SHOX: variants seen among roughly 807,000 people sequenced by gnomAD.
The protein encoded by SHOX is SHOX homeobox, also known as short stature homeobox protein.
SHOX carries 12 observed loss-of-function variants against 29.6 expected under a neutral mutation model. The observed-to-expected ratio is 0.41, with a 90% CI of 0.26 to 0.66. SHOX has a LOEUF of 0.66. Ranked by LOEUF, SHOX falls within the 30% of genes least tolerant of loss-of-function variation. The pLI, the probability that SHOX is intolerant of heterozygous loss-of-function variation, is 0.35. For synonymous variants in SHOX, 214 were observed against 200.6 expected (o/e 1.07, Z -0.57); for missense variants, 499 against 437.7 (o/e 1.14, Z -1.25).
chrX:658,924 C>G, exon 6 of SHOX: 1 of 261,110 alleles, frequency 3.8e-6, no homozygotes. Flanking sequence ...ACCACCATGT[C>G]AAGATAATGT....
rs960104128 is a variant in SHOX, at chrX:650,811, A to AAAAAAC, written c.*6180_*6181insCAAAAA. Among the ~76,000 whole-genome samples the AAAAAAC allele has an allele frequency of 2.7e-5, 4 of 147,194 alleles. 1 individual carries two copies. Among genetic ancestry groups the AAAAAAC allele is most frequent in the Admixed American group, 6.8e-5 (1 of 14,764 alleles). On this transcript the variant is annotated 3_prime_UTR_variant, in exon 5 of 5. Transcript: ENST00000686671. ...TGACATTAAAAAAAAAAAAAAAAAA[A>AAAAAAC]AAAAAAAACTGGTGCCTAATTTATT... is the stretch of plus-strand genomic sequence containing the variant.
At chrX:641,225 G>A in intron 4 of SHOX, 138 bp downstream of exon 4, 1 of 896,524 alleles carries the variant, frequency 1.1e-6, no homozygotes, top group Non-Finnish European at 1.8e-6. Flanking sequence ...TAGAAAAAAA[G>A]CCTCTTTTCC....
At chrX:624,862 T>TTTTCTTTCTTTTCTTTC (rs1194295441) in intron 1 of SHOX, among the ~76,000 whole-genome samples, 26 of 76,852 alleles carry the variant, frequency 3.4e-4, no homozygotes, top group Non-Finnish European at 5.6e-4. Flanking sequence ...TCTTTCTTTC[T>TTTTCTTTCTTTTCTTTC]TTTCTTTCTT....
At chrX:644,015 C>G (rs1022342656) in intron 4 of SHOX, among the ~76,000 whole-genome samples, 5 of 72,742 alleles carry the variant, frequency 6.9e-5, no homozygotes, top group African/African-American at 2.2e-4. Flanking sequence ...GCTTGGGGAC[C>G]TGGTGTCCCC....
Position 649,005 on chromosome X carries a change from T to C in SHOX, c.*4369T>C, listed in dbSNP as rs2053010213. On this transcript the variant is annotated 3_prime_UTR_variant, in exon 5 of 5. Coordinates refer to ENST00000686671, the MANE Select transcript of SHOX (RefSeq NM_000451.4). ...CTCTTTTTCTTTCTCTTTTCCTTTT[T>C]TGTTTCTTTCTTTCTTTTTCTTTCT... Among the ~76,000 whole-genome samples, 1 of 146,578 alleles carries C rather than the reference T, an allele frequency of 6.8e-6. No individual in the cohort carries two copies. The highest frequency in any genetic ancestry group is 7.1e-5 in the Admixed American group (1 of 14,036).
intron 1 of SHOX, among the ~76,000 whole-genome samples, chrX:625,558 C>CTCTG: frequency 6.7e-6 from 1 of 150,004 alleles, no homozygotes; most frequent in African/African-American, 2.5e-5. Context: ...TCTCCTCTGT[C>CTCTG]TCTCTGTATC....
Position 624,718 on chromosome X carries a change from T to TTTC in SHOX, c.-433+119_-433+121dup, listed in dbSNP as rs1191349943. On this transcript the variant is annotated intron_variant, in intron 1 of 5. Coordinates refer to the SHOX transcript ENST00000334060. ...CCTCTTTCTTTTCTTTCTTTCTTTC[T>TTTC]TTCTTTCTTTCTTTCTTTCTTTTCT... The TTTC allele has an allele frequency of 4.2e-5, 6 of 143,950 alleles. No homozygotes were observed. The South Asian group carries it at 1.4e-3, about 33-fold the overall frequency. The allele number at this position is 143,950 out of a possible 1,614,324, so 8.9% of individuals were successfully genotyped here.
rs1026019027 is a variant in SHOX, at chrX:651,574, A to G, written c.*6938A>G. ...AAAACTGAGATATAAATAAACTTAT[A>G]AATATTTGTATTCAAGTGTTAAAAA... is the stretch of plus-strand genomic sequence containing the variant. On this transcript the variant is annotated 3_prime_UTR_variant, in exon 5 of 5. Coordinates refer to ENST00000686671, the MANE Select transcript of SHOX (RefSeq NM_000451.4). 3.8e-6 allele frequency: 1 copy of G among 262,046 alleles called. No individual in the cohort carries two copies. Among genetic ancestry groups the G allele is most frequent in the African/African-American group, 2.4e-5 (1 of 42,038 alleles). The allele number at this position is 262,046 out of a possible 1,614,324, so 16.2% of individuals were successfully genotyped here.
At chrX:658,299 T>G (rs1459598128) in intron 5 of SHOX, among the ~76,000 whole-genome samples, 2 of 151,784 alleles carry the variant, frequency 1.3e-5, no homozygotes, top group African/African-American at 4.8e-5. Flanking sequence ...TAGCGGGTAT[T>G]AAAGCAGCTT....
At chrX:627,072 T>C (rs754775685), upstream of SHOX, among the ~76,000 whole-genome samples, 2 of 147,992 alleles carry the variant, frequency 1.4e-5, no homozygotes, top group South Asian at 4.3e-4. Flanking sequence ...CTCTCTCTCT[T>C]TTTCTCTCTC....
At chrX:651,641 GAAAAAAA>G (rs553983413), downstream of SHOX, among the ~76,000 whole-genome samples, 7 of 107,558 alleles carry the variant, frequency 6.5e-5, no homozygotes, top group South Asian at 3.2e-4. Context: ...AGGCTTATTG[GAAAAAAA>G]AAAAAAAAAA....
At chrX:630,547 T>A, upstream of SHOX, 1 of 431,760 alleles carries the variant, frequency 2.3e-6, no homozygotes, top group South Asian at 2.6e-5. Flanking sequence ...TGCGCCCCCC[T>A]CCTGCGCGCG....
In SHOX at chrX:630,801, G is replaced by T; in HGVS notation, c.-97G>T. The T allele has an allele frequency of 6.9e-7, 1 of 1,453,900 alleles. No homozygotes were observed. Among genetic ancestry groups the T allele is most frequent in the Non-Finnish European group, 9.6e-7 (1 of 1,041,726 alleles). The allele number at this position is 1,453,900 out of a possible 1,614,324, so 90.1% of individuals were successfully genotyped here. ...TTCCAATGGAAAGGCGTAAATAACA[G>T]CGCTGGTGATCCACCCGCGCGCACG... is the stretch of plus-strand genomic sequence containing the variant. On this transcript the variant is annotated 5_prime_UTR_variant, in exon 1 of 5. Coordinates refer to ENST00000686671, the MANE Select transcript of SHOX (RefSeq NM_000451.4).
chrX:655,596 CTCTCTCTCTCTCTCTCTCTA>C (rs1336570630), downstream of SHOX, among the ~76,000 whole-genome samples: 8 of 68,808 alleles, frequency 1.2e-4, no homozygotes, highest in African/African-American at 2.9e-4. Context: ...CTCTCTCTCT[CTCTCTCTCTCTCTCTCTCTA>C]TATATATATA....
intron 5 of SHOX, chrX:658,712 C>T (rs1456571743): frequency 2.0e-5 from 6 of 293,584 alleles, no homozygotes; most frequent in East Asian, 2.3e-4. Flanking sequence ...CCTCATGATC[C>T]GTCCGCCTCA....
At chrX:624,783 C>A (rs767587944) in intron 1 of SHOX, among the ~76,000 whole-genome samples, 1 of 120,732 alleles carries the variant, frequency 8.3e-6, no homozygotes, top group South Asian at 2.7e-4. Flanking sequence ...TGGAGCTTTC[C>A]TTTTCTTTTC....
Position 634,837 on chromosome X carries a change from G to A in SHOX, c.486+11G>A, listed in dbSNP as rs748745580. 3.2e-6 allele frequency: 5 copies of A among 1,549,432 alleles called. No homozygotes were observed. Among genetic ancestry groups the A allele is most frequent in the East Asian group, 2.4e-5 (1 of 41,064 alleles). ...GAGGCGCGCGTGCAGGTAGGAACCC[G>A]GGGGCGGGGGCGGGGGGCCCGGAGC... is the stretch of plus-strand genomic sequence containing the variant. On this transcript the variant is annotated intron_variant, in intron 2 of 4. Transcript: ENST00000686671.
In SHOX at chrX:640,794, T is replaced by A. The variant is rs749766318; in HGVS notation, c.487-27T>A. The A allele has an allele frequency of 1.1e-4, 173 of 1,613,724 alleles. 4 individuals carry two copies. The South Asian group carries it at 1.8e-3, about 16-fold the overall frequency. The stretch of plus-strand genomic sequence containing the variant: ...GGCTGGGCTGGGTTCACAGGGCTCT[T>A]CACATCTCTCTCTGCTTCTCCCCAA... On this transcript the variant is annotated intron_variant, in intron 2 of 4. Coordinates refer to ENST00000686671, the MANE Select transcript of SHOX (RefSeq NM_000451.4).
chrX:636,367 T>C (rs1320068172), intron 2 of SHOX, among the ~76,000 whole-genome samples: 27 of 142,680 alleles, frequency 1.9e-4, no homozygotes, highest in African/African-American at 5.4e-4. Context: ...CATATATAAA[T>C]ATATACAAAC....
Sources: allele counts gnomAD v4.1 joint callset (sites outside exome capture counted in the v4.1 genomes callset), GRCh38; gene constraint gnomAD v4.1.1; transcripts MANE v1.5; gene names NCBI Gene and HGNC (gene_info 2026-07-23, HGNC 2026-07-21).